TMC4: variants seen among roughly 807,000 people sequenced by gnomAD.
TMC4 encodes transmembrane channel like 4.
A neutral mutation model predicts 82.0 loss-of-function variants in TMC4; 70 were observed. That is an observed-to-expected ratio of 0.85 (90% CI 0.70 to 1.04). The LOEUF (loss-of-function observed/expected upper bound fraction) is 1.04, where lower values mean the gene tolerates loss of function less well. Among genes scored for constraint, TMC4 ranks in the 50% least tolerant of loss-of-function variants. The pLI is 0.00. For missense variants in TMC4, 879 were observed against 899.0 expected (o/e 0.98, Z 0.28); for synonymous variants, 446 against 406.0 (o/e 1.10, Z -1.18).
Position 54,162,402 on chromosome 19 carries a change from G to GA in TMC4, c.1503-118_1503-117insT. The GA allele has an allele frequency of 5.1e-6, 4 of 780,796 alleles. No individual in the cohort carries two copies. The South Asian group carries it at 5.8e-5, about 11-fold the overall frequency. 48.4% of individuals were successfully genotyped at this position (780,796 alleles called of 1,614,324 possible). On this transcript the variant is annotated intron_variant, in intron 10 of 14. Coordinates refer to ENST00000619895, the MANE Select transcript of TMC4 (RefSeq NM_144686.4). ...GCGTATTGGTGGTGGGGGGGGGGGG[G>GA]GCGGGACTTTCAGGACTCCACGTGG...
At chr19:54,161,459 G>A (rs1398810359) in intron 11 of TMC4, among the ~76,000 whole-genome samples, 199 bp from the exon 12 acceptor site, 2 of 149,206 alleles carry the variant, frequency 1.3e-5, no homozygotes, top group East Asian at 4.0e-4. Flanking sequence ...AGCTATTCTC[G>A]TGTCTCAGCC....
chr19:54,162,157 G>A lies in TMC4; in HGVS notation c.1631C>T (p.Pro544Leu), dbSNP rs1194868252. Residue 544 changes from proline (P) to leucine (L), a missense_variant, in exon 11 of 15, where the codon CCT becomes CTT. By Grantham distance (98) the Pro-to-Leu change is moderately conservative (BLOSUM62 -3). Transcript: ENST00000619895. The part of the protein sequence containing the change: ...TVVWVGSFFC[P>L]LLPLLNTVKF... ...GACCGTGTTAAGCAGGGGCAGTAAAGGGCAGAAAAAACTCCCCACCCAGAC... is the reference window on the plus strand; with the variant it reads ...GACCGTGTTAAGCAGGGGCAGTAAAAGGCAGAAAAAACTCCCCACCCAGAC... 4 of 1,613,812 alleles carry A rather than the reference G, an allele frequency of 2.5e-6. No homozygotes were observed. Among genetic ancestry groups the A allele is most frequent in the Non-Finnish European group, 3.4e-6 (4 of 1,179,906 alleles).
Position 54,172,079 on chromosome 19 carries a change from T to C in TMC4, c.84A>G (p.Pro28=). 2 of 1,593,002 alleles carry C rather than the reference T, an allele frequency of 1.3e-6. No individual in the cohort carries two copies. The highest frequency in any genetic ancestry group is 1.7e-6 in the Non-Finnish European group (2 of 1,168,190). ...GCTCGTTCAGCACAGAAGACAGCGATGGGCCTGGGGAGGAGCAGGGGGCTG... is the reference window on the plus strand; with the variant it reads ...GCTCGTTCAGCACAGAAGACAGCGACGGGCCTGGGGAGGAGCAGGGGGCTG... ...WLAPREARGG[P]SLSSVLNELP... Residue 28 remains proline, a synonymous_variant, in exon 2 of 15, where the codon CCA becomes CCG. Transcript: ENST00000619895.
chr19:54,168,029 C>G, intron 5 of TMC4, 142 bp downstream of exon 5: 2 of 1,072,762 alleles, frequency 1.9e-6, no homozygotes, highest in South Asian at 3.4e-5. Context: ...CGCCACTACA[C>G]TCTAGCCTGG....
chr19:54,161,999 G>C (rs2075566458), intron 11 of TMC4, 103 bp downstream of exon 11: 1 of 1,049,608 alleles, frequency 9.5e-7, no homozygotes, highest in Non-Finnish European at 1.4e-6. Flanking sequence ...TCCTCTCTCA[G>C]GACCGAGTAA....
chr19:54,170,069 C>T (rs1321484514), intron 2 of TMC4, among the ~76,000 whole-genome samples: 3 of 152,076 alleles, frequency 2.0e-5, no homozygotes, highest in Admixed American at 6.6e-5. Flanking sequence ...CCATTGCATT[C>T]CAGCCTGGGT....
At chr19:54,171,055 A>ATATACACATATATATACATATATATGTG in intron 2 of TMC4, among the ~76,000 whole-genome samples, 2 of 151,624 alleles carry the variant, frequency 1.3e-5, no homozygotes, top group East Asian at 3.9e-4. Context: ...TTTTCCATAT[A>ATATACACATATATATACATATATATGTG]TATACACATA....
intron 5 of TMC4, among the ~76,000 whole-genome samples, chr19:54,167,514 G>A (rs77245710): frequency 3.3e-5 from 5 of 151,438 alleles, no homozygotes; most frequent in Non-Finnish European, 7.4e-5. Context: ...AGCCAAGATC[G>A]TGCCATTGCA....
Position 54,163,163 on chromosome 19 carries a change from A to T in TMC4, c.1278-4T>A. ...GGCGAGGCGAAGAAACACGGTCCTGAAGGGGGGAAGGCAGAGAATGGGCCC... is the reference window on the plus strand; with the variant it reads ...GGCGAGGCGAAGAAACACGGTCCTGTAGGGGGGAAGGCAGAGAATGGGCCC... On this transcript the variant is annotated splice_region_variant and splice_polypyrimidine_tract_variant and intron_variant, in intron 8 of 14. Transcript: ENST00000619895. 6.2e-7 allele frequency: 1 copy of T among 1,613,622 alleles called. No individual in the cohort carries two copies. The highest frequency in any genetic ancestry group is 2.2e-5 in the East Asian group (1 of 44,816).
At chr19:54,172,798 A>C in intron 1 of TMC4, 1 of 463,978 alleles carries the variant, frequency 2.2e-6, no homozygotes, top group South Asian at 3.1e-5. Context: ...TTCCCAAGAC[A>C]CCCAAACTCC....
rs768798887 is a variant in TMC4 at position 54,162,631 on chromosome 19, G to A, written c.1502+42C>T. ...GAACAGCGCGATGGGGCACGGCCTCGTCCTAGAGGGGCGGGGCCACAGCAA... is the reference window on the plus strand; with the variant it reads ...GAACAGCGCGATGGGGCACGGCCTCATCCTAGAGGGGCGGGGCCACAGCAA... On this transcript the variant is annotated intron_variant, in intron 10 of 14. Transcript: ENST00000619895. 107 of 1,509,864 alleles carry A rather than the reference G, an allele frequency of 7.1e-5. 1 individual carries two copies. The South Asian group carries it at 1.2e-3, about 16-fold the overall frequency. 93.5% of individuals were successfully genotyped at this position (1,509,864 alleles called of 1,614,324 possible).
chr19:54,165,696 C>G, intron 5 of TMC4, 130 bp from the exon 6 acceptor site: 1 of 1,043,782 alleles, frequency 9.6e-7, no homozygotes, highest in South Asian at 1.7e-5. Context: ...GAGTTCCCAC[C>G]AGACCAGATG....
At chr19:54,165,378 C>G in intron 6 of TMC4, 41 bp downstream of exon 6, 1 of 1,559,400 alleles carries the variant, frequency 6.4e-7, no homozygotes, top group Non-Finnish European at 8.7e-7. Flanking sequence ...CCGGTCCTGT[C>G]TGGTCCCTAC....
intron 8 of TMC4, 149 bp from the exon 9 acceptor site, chr19:54,163,308 CTTTTT>C (rs35587690): frequency 0.02 from 11,510 of 582,872 alleles, no homozygotes; most frequent in Middle Eastern, 0.025. Flanking sequence ...TTCTTTCTTT[CTTTTT>C]TTTTTTTTTT....
chr19:54,165,339 C>G, intron 6 of TMC4, 80 bp downstream of exon 6: 1 of 1,420,636 alleles, frequency 7.0e-7, no homozygotes, highest in South Asian at 1.5e-5. Context: ...GGCCCCATCA[C>G]CGAGTTAGGC....
intron 1 of TMC4, chr19:54,172,805 C>T: frequency 4.1e-6 from 2 of 493,474 alleles, no homozygotes; most frequent in East Asian, 7.2e-5. Flanking sequence ...GACACCCAAA[C>T]TCCCAGCCCT....
chr19:54,160,123 G>A lies in TMC4; in HGVS notation c.*183C>T, dbSNP rs1011566268. ...CAAAGCGCGCTCAGCAACCTCGGCT[G>A]TATTTATTGATACAAGGAAGATCAC... On this transcript the variant is annotated 3_prime_UTR_variant, in exon 15 of 15. Transcript: ENST00000619895. 6.3e-6 allele frequency: 4 copies of A among 639,682 alleles called. No homozygotes were observed. The highest frequency in any genetic ancestry group is 9.8e-6 in the Non-Finnish European group (4 of 407,110). 39.6% of individuals were successfully genotyped at this position (639,682 alleles called of 1,614,324 possible). A position where few individuals can be genotyped will look rare whatever the true frequency, so the allele number is the denominator to read the frequency against.
intron 9 of TMC4, 110 bp from the exon 10 acceptor site, chr19:54,162,880 T>A: frequency 6.6e-7 from 1 of 1,516,150 alleles, no homozygotes; most frequent in South Asian, 1.1e-5. Context: ...ATACTTTCTC[T>A]GGGGGTCCTC....
Position 54,163,308 on chromosome 19 carries a change from C to CTTT in TMC4, c.1278-152_1278-150dup, listed in dbSNP as rs35587690. ...TCAGGATTTCTTTCTTTCTTTCTTT[C>CTTT]TTTTTTTTTTTTTTTTTTTTGAGAC... is the stretch of plus-strand genomic sequence containing the variant. On this transcript the variant is annotated intron_variant, in intron 8 of 14. Transcript: ENST00000619895. 3.3e-3 allele frequency: 1,962 copies of CTTT among 592,490 alleles called. 21 individuals are homozygous for CTTT. In the East Asian group the frequency reaches 0.035, roughly 11 times the overall value. The allele number at this position is 592,490 out of a possible 1,614,324, so 36.7% of individuals were successfully genotyped here.
Sources: gnomAD v4.1 joint callset for allele counts (sites outside exome capture counted in the v4.1 genomes callset) on GRCh38, gnomAD v4.1.1 for gene constraint, MANE v1.5 for transcripts, NCBI Gene and HGNC (gene_info 2026-07-23, HGNC 2026-07-21) for gene names.